Variants in OSBPL3 observed in about 807,000 individuals in gnomAD.
The protein encoded by OSBPL3 is oxysterol-binding protein-related protein 3.
Under a neutral mutation model 120.1 loss-of-function variants are expected in OSBPL3, and 65 were observed. The ratio of observed to expected loss-of-function variants is 0.54; its 90% confidence interval spans 0.44 to 0.67. The LOEUF (loss-of-function observed/expected upper bound fraction) is 0.67. Ranked by LOEUF, OSBPL3 falls within the 30% of genes least tolerant of loss-of-function variation. The probability of loss-of-function intolerance (pLI) is 0.00; values close to 1 mark genes in which losing one functional copy is unlikely to be tolerated. For synonymous variants in OSBPL3, 416 were observed against 402.6 expected, an observed-to-expected ratio of 1.03 and a Z score of -0.40; for missense variants, 1,004 against 1,082.1, an observed-to-expected ratio of 0.93 and a Z score of 1.01.
At chr7:24,911,031 G>A (rs1808751996) in intron 1 of OSBPL3, among the ~76,000 whole-genome samples, 1 of 152,200 alleles carries the variant, frequency 6.6e-6, no homozygotes, top group Non-Finnish European at 1.5e-5. Flanking sequence ...ACACAGCAAG[G>A]GTTGAGCCAC....
intron 1 of OSBPL3, among the ~76,000 whole-genome samples, chr7:24,928,630 C>G (rs1003331897): frequency 6.6e-6 from 1 of 152,170 alleles, no homozygotes; most frequent in Non-Finnish European, 1.5e-5. Context: ...CAATCAACAC[C>G]TCAAAGAACA....
intron 14 of OSBPL3, among the ~76,000 whole-genome samples, chr7:24,836,348 C>A (rs936841305): frequency 6.6e-6 from 1 of 152,180 alleles, no homozygotes; most frequent in Non-Finnish European, 1.5e-5. Context: ...CTTGTTCTAG[C>A]TTACATTTAA....
At chr7:24,845,287 G>C (rs538761171) in intron 12 of OSBPL3, among the ~76,000 whole-genome samples, 2 of 145,804 alleles carry the variant, frequency 1.4e-5, no homozygotes, top group Non-Finnish European at 3.0e-5. Flanking sequence ...AGCTTGTAGA[G>C]ATGTTATTCT....
rs34986116 is a variant in OSBPL3, at chr7:24,835,538, C to T, written c.1496-802G>A. 0.21 allele frequency among the ~76,000 whole-genome samples: 32,049 copies of T among 152,026 alleles called. 4,173 individuals are homozygous for T. The highest frequency in any genetic ancestry group is 0.34 in the Admixed American group (5,253 of 15,268). On this transcript the variant is annotated intron_variant, in intron 14 of 22. Transcript: ENST00000313367. The surrounding 1 kb of genome is among the most constrained non-coding windows in gnomAD (Gnocchi z 4.8). ...CAAAGAACTTAAAACAGAACTGCCA[C>T]TCAACTCAGCAATCCCATTACTGAC...
At chr7:24,907,686 C>G (rs1010513666) in intron 1 of OSBPL3, among the ~76,000 whole-genome samples, 6 of 152,306 alleles carry the variant, frequency 3.9e-5, no homozygotes, top group Non-Finnish European at 8.8e-5. Context: ...TCAGCATTGC[C>G]TTTTCCATGA....
intron 11 of OSBPL3, among the ~76,000 whole-genome samples, chr7:24,850,108 C>T (rs1448590809): frequency 2.0e-5 from 3 of 151,956 alleles, no homozygotes; most frequent in Non-Finnish European, 2.9e-5. Context: ...CCTCACTTAC[C>T]TGCATAAGGG....
At position 24,830,839 on chromosome 7, in the gene OSBPL3, A is replaced by G; in HGVS notation, c.1813T>C (p.Phe605Leu). 2 of 1,614,166 alleles carry G rather than the reference A, an allele frequency of 1.2e-6. No individual in the cohort carries two copies. The highest frequency in any genetic ancestry group is 1.7e-6 in the Non-Finnish European group (2 of 1,179,996). ...SSYYRAGSKPFNPVLGETYEC... is the reference protein window; with the variant it reads ...SSYYRAGSKPLNPVLGETYEC... ...TATGTTTCTCCAAGAACCGGATTAA[A>G]TGGCTTGCTTCCAGCTCGGTAGTAG... Residue 605 changes from phenylalanine to leucine, a missense_variant, in exon 16 of 23, where the codon TTT becomes CTT. Phe to Leu is a conservative substitution (Grantham distance 22). This residue lies in a region of OSBPL3 where 473 missense variants were observed against 568.0 expected (regional missense o/e 0.83). Transcript: ENST00000313367. This position sits in a 1 kb window ranked among gnomAD's most constrained non-coding sequence, Gnocchi z 4.4.
intron 1 of OSBPL3, among the ~76,000 whole-genome samples, chr7:24,977,055 G>A (rs908871204): frequency 1.1e-4 from 16 of 151,746 alleles, no homozygotes; most frequent in African/African-American, 3.9e-4. Flanking sequence ...ATTAGTAGCA[G>A]TTTCTAACTC....
rs1174866904 is a variant in OSBPL3 at position 24,879,220 on chromosome 7, A to G, written c.97-7151T>C. On this transcript the variant is annotated intron_variant, in intron 2 of 22. Coordinates refer to ENST00000313367, the MANE Select transcript of OSBPL3 (RefSeq NM_015550.4). This position sits in a 1 kb window ranked among gnomAD's most constrained non-coding sequence, Gnocchi z 5.6. ...AAGTGAGCTATGAGATCCTTTCTAA[A>G]TCTTCTATCATAAACTCATGTCATA... is the stretch of plus-strand genomic sequence containing the variant. Among the ~76,000 whole-genome samples the G allele has an allele frequency of 6.6e-6, 1 of 152,190 alleles. No homozygotes were observed. Among genetic ancestry groups the G allele is most frequent in the Admixed American group, 6.5e-5 (1 of 15,280 alleles).
At chr7:24,886,688 T>C (rs1345611243) in intron 2 of OSBPL3, among the ~76,000 whole-genome samples, 2 of 152,244 alleles carry the variant, frequency 1.3e-5, no homozygotes, top group Admixed American at 6.5e-5. Flanking sequence ...AACAACCATA[T>C]ACTTTTTTAA....
Position 24,954,049 on chromosome 7 carries a change from C to G in OSBPL3, c.-150+25837G>C, listed in dbSNP as rs139625690. ...CCCTGTGAAGCTCTTCATCCAAGAC[C>G]TTCCTTCCTCTTTCATGATATTCCA... On this transcript the variant is annotated intron_variant, in intron 1 of 22. Coordinates refer to ENST00000313367, the MANE Select transcript of OSBPL3 (RefSeq NM_015550.4). Among the ~76,000 whole-genome samples, 555 of 152,200 alleles carry G rather than the reference C, an allele frequency of 3.6e-3. 2 individuals are homozygous for G. Among genetic ancestry groups the G allele is most frequent in the African/African-American group, 0.012 (517 of 41,512 alleles).
At chr7:24,875,867 G>A (rs1802770324) in intron 2 of OSBPL3, among the ~76,000 whole-genome samples, 1 of 152,030 alleles carries the variant, frequency 6.6e-6, no homozygotes, top group Non-Finnish European at 1.5e-5. Flanking sequence ...AGAGGACATT[G>A]GTTACGTGGA....
In OSBPL3 at chr7:24,805,031, C is replaced by T. The variant is rs1792859030; in HGVS notation, c.2445-594G>A. Reference sequence around the variant, plus strand: ...AATCATTTGAATCATTTTAATGTGACAATGCCGCAATAAATGACCTTGTAT... The same window carrying T: ...AATCATTTGAATCATTTTAATGTGATAATGCCGCAATAAATGACCTTGTAT... On this transcript the variant is annotated intron_variant, in intron 21 of 22. Transcript: ENST00000313367. This position sits in a 1 kb window ranked among gnomAD's most constrained non-coding sequence, Gnocchi z 4.0. 6.6e-6 allele frequency among the ~76,000 whole-genome samples: 1 copy of T among 152,152 alleles called. No homozygotes were observed. Among genetic ancestry groups the T allele is most frequent in the Admixed American group, 6.5e-5 (1 of 15,274 alleles).
intron 1 of OSBPL3, chr7:24,906,266 A>G: frequency 3.7e-6 from 1 of 267,672 alleles, no homozygotes; most frequent in Non-Finnish European, 7.6e-6. Flanking sequence ...GCATCATCCC[A>G]GGAGGAGGAG....
intron 22 of OSBPL3, 150 bp from the exon 23 acceptor site, chr7:24,800,429 A>T: frequency 2.2e-6 from 1 of 450,192 alleles, no homozygotes; most frequent in East Asian, 4.1e-5. Context: ...TCTGGGAATT[A>T]GATGTCCAGA....
intron 5 of OSBPL3, among the ~76,000 whole-genome samples, chr7:24,868,289 C>T (rs1801616303): frequency 6.7e-6 from 1 of 149,178 alleles, no homozygotes; most frequent in Admixed American, 6.7e-5. Context: ...TGCACTCCAG[C>T]CTGGGTGATG....
rs147023153 is a variant in OSBPL3 at position 24,817,503 on chromosome 7, C to CA, written c.1949-816dup. Reference sequence around the variant, plus strand: ...CCTGGGTGATGGAGTGAGATTCTGCCAAAAAAAACAAAACAAAACTGAAAA... The same window carrying CA: ...CCTGGGTGATGGAGTGAGATTCTGCCAAAAAAAAACAAAACAAAACTGAAAA... On this transcript the variant is annotated intron_variant, in intron 17 of 22. Transcript: ENST00000313367. The surrounding 1 kb of genome is among the most constrained non-coding windows in gnomAD (Gnocchi z 4.0). Among the ~76,000 whole-genome samples the CA allele has an allele frequency of 0.031, 4,690 of 151,088 alleles. 153 individuals carry two copies. The highest frequency in any genetic ancestry group is 0.086 in the African/African-American group (3,524 of 41,142).
intron 5 of OSBPL3, among the ~76,000 whole-genome samples, chr7:24,868,037 G>T (rs929214276): frequency 6.6e-6 from 1 of 152,058 alleles, no homozygotes; most frequent in Non-Finnish European, 1.5e-5. Flanking sequence ...AGTCAATTTT[G>T]GCTGGGCACA....
chr7:24,935,134 C>G (rs1812252658), intron 1 of OSBPL3, among the ~76,000 whole-genome samples: 1 of 152,008 alleles, frequency 6.6e-6, no homozygotes, highest in Non-Finnish European at 1.5e-5. Flanking sequence ...ATAAGACATC[C>G]ATTAAAATGA....
Sources: gnomAD v4.1 joint callset for allele counts (sites outside exome capture counted in the v4.1 genomes callset) on GRCh38, gnomAD v4.1.1 for gene constraint, gnomAD v4.1.1 regional missense constraint, Gnocchi (gnomAD v3.1) non-coding constraint, MANE v1.5 for transcripts, NCBI Gene and HGNC (gene_info 2026-07-23, HGNC 2026-07-21) for gene names.